The following RBFOX1 variants were observed in gnomAD, a reference collection of about 807,000 sequenced individuals.
RBFOX1 encodes RNA binding protein fox-1 homolog 1.
RBFOX1 carries 8 observed loss-of-function variants against 57.7 expected under a neutral mutation model. That is an observed-to-expected ratio of 0.14 (90% CI 0.08 to 0.25). The LOEUF is 0.25. RBFOX1 is among the 10% of genes least tolerant of loss of function. The pLI is 1.00. For missense variants in RBFOX1, 611 were observed against 548.5 expected (o/e 1.11, Z -1.14); for synonymous variants, 326 against 222.4 (o/e 1.47, Z -4.15).
intron 15 of RBFOX1, chr16:7,709,503 T>G: frequency 6.6e-7 from 1 of 1,517,462 alleles, no homozygotes; most frequent in Non-Finnish European, 8.8e-7. Flanking sequence ...GCCCCAAGGT[T>G]CCAGCCCCAG....
At chr16:7,105,640 C>G (rs1486735228) in intron 4 of RBFOX1, among the ~76,000 whole-genome samples, 1 of 152,040 alleles carries the variant, frequency 6.6e-6, no homozygotes, top group Admixed American at 6.6e-5. Flanking sequence ...ATGCCATTGA[C>G]CCATTCCTTT....
intron 3 of RBFOX1, among the ~76,000 whole-genome samples, chr16:6,924,809 C>T (rs1369744613): frequency 2.7e-5 from 4 of 148,828 alleles, no homozygotes; most frequent in Non-Finnish European, 4.5e-5. Flanking sequence ...TTAGGTATAT[C>T]TCCTAATGCT....
intron 3 of RBFOX1, among the ~76,000 whole-genome samples, chr16:5,714,030 G>T (rs921467938): frequency 2.6e-5 from 4 of 152,212 alleles, no homozygotes; most frequent in Non-Finnish European, 5.9e-5. Flanking sequence ...AGGAGGTAAA[G>T]AAAGGCAATA....
At chr16:5,821,611 T>C (rs1157048697) in intron 3 of RBFOX1, among the ~76,000 whole-genome samples, 1 of 152,242 alleles carries the variant, frequency 6.6e-6, no homozygotes, top group Admixed American at 6.5e-5. Flanking sequence ...TTCTTTATTA[T>C]TATTAATGTG....
chr16:5,678,477 C>G (rs2050232022), intron 3 of RBFOX1, among the ~76,000 whole-genome samples: 1 of 152,188 alleles, frequency 6.6e-6, no homozygotes, highest in Non-Finnish European at 1.5e-5. Context: ...GGCATATGTG[C>G]AAGCGGGTAG....
At chr16:5,998,848 C>G (rs984113647) in intron 4 of RBFOX1, among the ~76,000 whole-genome samples, 6 of 152,204 alleles carry the variant, frequency 3.9e-5, no homozygotes, top group Non-Finnish European at 8.8e-5. Context: ...ATATTGCAGT[C>G]AGATTTTAAT....
chr16:5,826,746 AT>A (rs377435598), intron 3 of RBFOX1, among the ~76,000 whole-genome samples: 6 of 152,126 alleles, frequency 3.9e-5, no homozygotes, highest in African/African-American at 1.2e-4. Context: ...TGTCCTATAA[AT>A]TTTTTATATG....
intron 4 of RBFOX1, among the ~76,000 whole-genome samples, chr16:7,203,606 A>G (rs1248538559): frequency 1.3e-5 from 2 of 152,234 alleles, no homozygotes. Flanking sequence ...CCAGGATTGC[A>G]GTGAGTTTTC....
At chr16:7,225,580 C>T (rs1371969219) in intron 4 of RBFOX1, among the ~76,000 whole-genome samples, 2 of 151,600 alleles carry the variant, frequency 1.3e-5, no homozygotes, top group Admixed American at 6.6e-5. Context: ...ATACAGTGGG[C>T]CATGTGAGAT....
chr16:6,537,233 T>G (rs1312831643), intron 2 of RBFOX1, among the ~76,000 whole-genome samples: 4 of 152,198 alleles, frequency 2.6e-5, no homozygotes, highest in African/African-American at 4.8e-5. Context: ...CTTCCAGGTG[T>G]TGTTCCTGAT....
intron 2 of RBFOX1, among the ~76,000 whole-genome samples, chr16:6,623,928 C>T (rs1471882082): frequency 6.6e-6 from 1 of 152,166 alleles, no homozygotes; most frequent in Admixed American, 6.6e-5. Flanking sequence ...TTTATAGCAG[C>T]ATGATTTATA....
intron 9 of RBFOX1, among the ~76,000 whole-genome samples, chr16:7,604,175 G>A (rs2095183932): frequency 6.6e-6 from 1 of 152,198 alleles, no homozygotes; most frequent in Non-Finnish European, 1.5e-5. Flanking sequence ...GCTAAAGGGA[G>A]AAGGACTTGC....
At chr16:6,672,827 G>T (rs568285238) in intron 3 of RBFOX1, among the ~76,000 whole-genome samples, 23 of 152,232 alleles carry the variant, frequency 1.5e-4, no homozygotes, top group African/African-American at 5.5e-4. Context: ...CCTAACTTAA[G>T]CCCATTTCTT....
chr16:5,847,370 G>T (rs540876646), intron 3 of RBFOX1, among the ~76,000 whole-genome samples: 24 of 147,034 alleles, frequency 1.6e-4, no homozygotes, highest in African/African-American at 5.2e-4. Flanking sequence ...AAAAATGGGG[G>T]TGGGGGGGGA....
chr16:7,644,731 A>G (rs1302289235), intron 11 of RBFOX1, among the ~76,000 whole-genome samples: 1 of 152,250 alleles, frequency 6.6e-6, no homozygotes, highest in Non-Finnish European at 1.5e-5. Context: ...AGAGATGTAT[A>G]AGGAAGTTGA....
chr16:5,643,470 C>T (rs2151336226), intron 3 of RBFOX1, among the ~76,000 whole-genome samples: 1 of 152,292 alleles, frequency 6.6e-6, no homozygotes, highest in Non-Finnish European at 1.5e-5. Flanking sequence ...AGCTTCTCTG[C>T]TGAGAGGTAT....
chr16:7,136,013 G>A (rs1207110272), intron 4 of RBFOX1, among the ~76,000 whole-genome samples: 1 of 152,216 alleles, frequency 6.6e-6, no homozygotes, highest in African/African-American at 2.4e-5. Flanking sequence ...GCACAGTGCT[G>A]CTCATTGAAG....
intron 3 of RBFOX1, among the ~76,000 whole-genome samples, chr16:6,919,902 T>C (rs2074086661): frequency 6.6e-6 from 1 of 151,984 alleles, no homozygotes; most frequent in Non-Finnish European, 1.5e-5. Flanking sequence ...GTGTACACTG[T>C]ACCCAGTGTG....
intron 3 of RBFOX1, among the ~76,000 whole-genome samples, chr16:7,051,065 AG>A (rs1402178122): frequency 2.6e-5 from 4 of 152,284 alleles, no homozygotes; most frequent in African/African-American, 9.6e-5. Flanking sequence ...CCTTAGTAAA[AG>A]TTTCAAAAAC....
Sources: gnomAD v4.1 joint callset for allele counts (sites outside exome capture counted in the v4.1 genomes callset) on GRCh38, gnomAD v4.1.1 for gene constraint, MANE v1.5 for transcripts, NCBI Gene and HGNC (gene_info 2026-07-23, HGNC 2026-07-21) for gene names.